Variants in NEBL observed in about 807,000 individuals in gnomAD.
NEBL encodes nebulette.
A neutral mutation model predicts 140.2 loss-of-function variants in NEBL; 122 were observed. The observed-to-expected ratio is 0.87, with a 90% CI of 0.75 to 1.01. The LOEUF (loss-of-function observed/expected upper bound fraction) is 1.01, where lower values mean the gene tolerates loss of function less well. NEBL is among the 50% of genes least tolerant of loss of function. The probability of loss-of-function intolerance (pLI) is 0.00; values close to 1 mark genes in which losing one functional copy is unlikely to be tolerated. For synonymous variants in NEBL, 436 were observed against 398.9 expected (o/e 1.09, Z -1.11); for missense variants, 1,365 against 1,231.3 (o/e 1.11, Z -1.62).
chr10:20,899,524 G>A, upstream of NEBL: 2 of 793,686 alleles, frequency 2.5e-6, no homozygotes, highest in East Asian at 7.4e-5. Context: ...CGTGCAATGT[G>A]AACACAAATT....
At chr10:21,071,319 A>G (rs1835808984) in intron 2 of NEBL, among the ~76,000 whole-genome samples, 1 of 151,894 alleles carries the variant, frequency 6.6e-6, no homozygotes, top group South Asian at 2.1e-4. Flanking sequence ...CTTAGTCATT[A>G]CCACCCACAA....
At chr10:21,217,406 G>A (rs557072912) in intron 3 of NEBL, among the ~76,000 whole-genome samples, 2 of 152,162 alleles carry the variant, frequency 1.3e-5, no homozygotes, top group Admixed American at 6.5e-5. Flanking sequence ...GGTTTGTTTC[G>A]GAGTGGGGAG....
intron 3 of NEBL, among the ~76,000 whole-genome samples, chr10:20,974,654 C>T (rs934505999): frequency 6.6e-6 from 1 of 152,172 alleles, no homozygotes; most frequent in Non-Finnish European, 1.5e-5. Context: ...TTACATGTTA[C>T]ATACATTAGC....
chr10:20,791,045 C>T (rs146747192), intron 26 of NEBL, among the ~76,000 whole-genome samples: 212 of 152,236 alleles, frequency 1.4e-3, no homozygotes, highest in African/African-American at 5.0e-3. Context: ...TTGAGTTTGA[C>T]AGGTTGTTTT....
intron 26 of NEBL, among the ~76,000 whole-genome samples, chr10:20,803,330 T>C (rs1464756321): frequency 6.6e-6 from 1 of 152,194 alleles, no homozygotes; most frequent in African/African-American, 2.4e-5. Context: ...TTCTGATCAC[T>C]ATATGGTGTA....
upstream of NEBL, among the ~76,000 whole-genome samples, chr10:21,178,484 A>G (rs1363086361): frequency 2.6e-5 from 4 of 152,260 alleles, no homozygotes; most frequent in African/African-American, 9.6e-5. Flanking sequence ...AGGAAAAGAC[A>G]GCTAGAAGAA....
intron 3 of NEBL, among the ~76,000 whole-genome samples, chr10:21,192,926 C>T (rs912728615): frequency 6.6e-6 from 1 of 151,962 alleles, no homozygotes; most frequent in African/African-American, 2.4e-5. Flanking sequence ...ACCTTGAATA[C>T]CAATGACGTG....
chr10:20,799,796 G>C (rs1836916571), intron 26 of NEBL, among the ~76,000 whole-genome samples: 1 of 152,102 alleles, frequency 6.6e-6, no homozygotes, highest in Non-Finnish European at 1.5e-5. Context: ...TCTAAATCAG[G>C]AGTGTATTTT....
Position 21,261,572 on chromosome 10 carries a change from G to A in NEBL, n.183-9744C>T, listed in dbSNP as rs575536745. On this transcript the variant is annotated intron_variant and non_coding_transcript_variant, in intron 1 of 8. Transcript: ENST00000675702. ...TGGGGCAGAAGGATTGCTTAGGCCC[G>A]GGAGGCTGAGGCTGCAGTGAGCCAT... Among the ~76,000 whole-genome samples the A allele has an allele frequency of 4.0e-5, 6 of 151,806 alleles. 1 individual carries two copies. In the South Asian group the frequency reaches 6.3e-4, roughly 16 times the overall value.
chr10:21,039,911 T>C (rs1834191654), intron 2 of NEBL, among the ~76,000 whole-genome samples: 1 of 152,094 alleles, frequency 6.6e-6, no homozygotes, highest in Non-Finnish European at 1.5e-5. Context: ...CAATTAACCA[T>C]GAAGAATGGG....
chr10:20,871,243 T>A (rs572304225), intron 5 of NEBL, among the ~76,000 whole-genome samples: 1 of 152,324 alleles, frequency 6.6e-6, no homozygotes, highest in East Asian at 1.9e-4. Context: ...TAGCATCATT[T>A]AGGGGTACTT....
At chr10:21,010,419 A>ATT (rs35635365) in intron 3 of NEBL, among the ~76,000 whole-genome samples, 27 of 140,810 alleles carry the variant, frequency 1.9e-4, no homozygotes, top group African/African-American at 5.1e-4. Flanking sequence ...GAATTTTTTA[A>ATT]TTTTTTTTTT....
rs1447614020 is a variant in NEBL, at chr10:20,923,606, G to T, written c.357+38066C>A. Among the ~76,000 whole-genome samples, 3 of 126,408 alleles carry T rather than the reference G, an allele frequency of 2.4e-5. No homozygotes were observed. In the Admixed American group the frequency reaches 3.1e-4, roughly 13 times the overall value. 82.9% of individuals were successfully genotyped at this position (126,408 alleles called of 152,430 possible). On this transcript the variant is annotated intron_variant, in intron 4 of 6. Coordinates refer to the NEBL transcript ENST00000417816. ...AGTCAGGAGAATCGCTTGAACCCGG[G>T]AGGTGGAAATTGCAGTGAGCCGAAA...
At chr10:20,866,739 T>C (rs1268474000) in intron 7 of NEBL, among the ~76,000 whole-genome samples, 1 of 152,176 alleles carries the variant, frequency 6.6e-6, no homozygotes, top group Non-Finnish European at 1.5e-5. Flanking sequence ...CAAGACACAT[T>C]GTGATGGGTG....
Position 20,783,440 on chromosome 10 carries a change from A to T in NEBL, c.*2307T>A, listed in dbSNP as rs1473567908. ...TTGCTATGCAAACATTATTACGTGAAGCTTAAAATTTTAGGAGACTTATTC... is the reference window on the plus strand; with the variant it reads ...TTGCTATGCAAACATTATTACGTGATGCTTAAAATTTTAGGAGACTTATTC... On this transcript the variant is annotated 3_prime_UTR_variant, in exon 28 of 28. Transcript: ENST00000377122. The T allele has an allele frequency of 6.6e-6, 1 of 152,216 alleles. No individual in the cohort carries two copies. Among genetic ancestry groups the T allele is most frequent in the African/African-American group, 2.4e-5 (1 of 41,464 alleles). 9.4% of individuals were successfully genotyped at this position (152,216 alleles called of 1,614,324 possible). A position where few individuals can be genotyped will look rare whatever the true frequency, so the allele number is the denominator to read the frequency against.
At chr10:21,043,676 C>T (rs1834371078) in intron 2 of NEBL, among the ~76,000 whole-genome samples, 1 of 152,068 alleles carries the variant, frequency 6.6e-6, no homozygotes, top group South Asian at 2.1e-4. Flanking sequence ...GAGTTGCACA[C>T]GTTGTAACTG....
chr10:20,951,842 T>G (rs1589064663), intron 4 of NEBL, among the ~76,000 whole-genome samples: 1 of 152,198 alleles, frequency 6.6e-6, no homozygotes, highest in African/African-American at 2.4e-5. Context: ...GGAAGAAAAT[T>G]TAGATACTTT....
chr10:21,082,583 G>T (rs1836430891), intron 2 of NEBL, among the ~76,000 whole-genome samples: 1 of 142,456 alleles, frequency 7.0e-6, no homozygotes, highest in Non-Finnish European at 1.5e-5. Flanking sequence ...TGTGTAGAGA[G>T]AGTGGAATAA....
At chr10:21,002,713 G>A (rs1427938591) in intron 3 of NEBL, among the ~76,000 whole-genome samples, 6 of 151,956 alleles carry the variant, frequency 3.9e-5, no homozygotes, top group East Asian at 1.9e-4. Flanking sequence ...AGGGGGAAGC[G>A]CTACACACTT....
Sources: allele counts gnomAD v4.1 joint callset (sites outside exome capture counted in the v4.1 genomes callset), GRCh38; gene constraint gnomAD v4.1.1; transcripts MANE v1.5; gene names NCBI Gene and HGNC (gene_info 2026-07-23, HGNC 2026-07-21).